Variants in SPATA4 observed in about 807,000 individuals in gnomAD.
SPATA4 encodes the protein spermatogenesis associated 4, also known as spermatogenesis-associated protein 4.
In SPATA4, 35 loss-of-function variants were observed where a neutral mutation model predicts 31.8. The ratio of observed to expected loss-of-function variants is 1.10; its 90% confidence interval spans 0.84 to 1.46. SPATA4 has a LOEUF of 1.46. Ranked by LOEUF, SPATA4 falls within the 40% of genes most tolerant of loss-of-function variation. The pLI is 0.00. For synonymous variants in SPATA4, 126 were observed against 132.4 expected (o/e 0.95, Z 0.33); for missense variants, 394 against 363.1 (o/e 1.09, Z -0.69).
chr4:176,192,543 C>T, intron 4 of SPATA4, 84 bp downstream of exon 4: 2 of 1,106,284 alleles, frequency 1.8e-6, no homozygotes, highest in African/African-American at 1.6e-5. Flanking sequence ...GCAAAATGGG[C>T]CAGTGCCGAC....
chr4:176,191,518 T>G (rs1042180783), intron 4 of SPATA4, among the ~76,000 whole-genome samples: 1 of 152,226 alleles, frequency 6.6e-6, no homozygotes, highest in Non-Finnish European at 1.5e-5. Flanking sequence ...AATGTTCTAT[T>G]TCTTAACCTG....
At chr4:176,187,534 G>A (rs574112141) in intron 5 of SPATA4, among the ~76,000 whole-genome samples, 1 of 151,516 alleles carries the variant, frequency 6.6e-6, no homozygotes, top group African/African-American at 2.4e-5. Context: ...AACCCAGGAG[G>A]TGGAAGTTGC....
chr4:176,193,138 A>T (rs1752560056), intron 2 of SPATA4, 62 bp from the exon 3 acceptor site: 1 of 1,081,908 alleles, frequency 9.2e-7, no homozygotes, highest in African/African-American at 1.6e-5. Context: ...TCCAAGTACT[A>T]TGAATTCACT....
chr4:176,191,636 TA>T (rs1240480101), intron 4 of SPATA4, among the ~76,000 whole-genome samples: 3 of 152,228 alleles, frequency 2.0e-5, no homozygotes, highest in Admixed American at 2.0e-4. Context: ...TTTTAATGTT[TA>T]AAAACATGCA....
rs73005170 is a variant in SPATA4 at position 176,184,683 on chromosome 4, T to G, written c.*97A>C. On this transcript the variant is annotated 3_prime_UTR_variant, in exon 6 of 6. Transcript: ENST00000280191. Reference sequence around the variant, plus strand: ...AATTATGGAAAAGACACCACTCTATTTATTATTGAAATACATCCAATACTA... The same window carrying G: ...AATTATGGAAAAGACACCACTCTATGTATTATTGAAATACATCCAATACTA... 2 of 587,092 alleles carry G rather than the reference T, an allele frequency of 3.4e-6. No individual in the cohort carries two copies. Among genetic ancestry groups the G allele is most frequent in the African/African-American group, 3.8e-5 (2 of 52,126 alleles). 36.4% of individuals were successfully genotyped at this position (587,092 alleles called of 1,614,324 possible). A position where few individuals can be genotyped will look rare whatever the true frequency, so the allele number is the denominator to read the frequency against.
intron 1 of SPATA4, 125 bp from the exon 2 acceptor site, chr4:176,193,707 C>G (rs890143602): frequency 1.9e-4 from 199 of 1,049,756 alleles, no homozygotes; most frequent in Non-Finnish European, 2.3e-4. Context: ...GTTGTTGGAT[C>G]GTTGCTCTAA....
chr4:176,190,977 T>A (rs1051159938), intron 4 of SPATA4, among the ~76,000 whole-genome samples: 2 of 151,902 alleles, frequency 1.3e-5, no homozygotes, highest in African/African-American at 4.8e-5. Context: ...TTCTGCCTAC[T>A]ACAGAGTTTC....
chr4:176,184,948 A>G, intron 5 of SPATA4, 56 bp from the exon 6 acceptor site: 1 of 1,014,236 alleles, frequency 9.9e-7, no homozygotes, highest in Non-Finnish European at 1.5e-6. Flanking sequence ...AAATATTCAT[A>G]CAAGCATCAA....
In SPATA4 at chr4:176,193,373, G is replaced by A. The variant is rs983851162; in HGVS notation, c.348+80C>T. 15 of 1,526,636 alleles carry A rather than the reference G, an allele frequency of 9.8e-6. No homozygotes were observed. In the Admixed American group the frequency reaches 1.3e-4, roughly 14 times the overall value. 94.6% of individuals were successfully genotyped at this position (1,526,636 alleles called of 1,614,324 possible). ...GTATCACACAGTCACACACATACAC[G>A]TAGAGATCCAGGAAATTAGCATGGC... On this transcript the variant is annotated intron_variant, in intron 2 of 5. Coordinates refer to ENST00000280191, the MANE Select transcript of SPATA4 (RefSeq NM_144644.4).
At chr4:176,193,114 CT>C in intron 2 of SPATA4, 38 bp from the exon 3 acceptor site, 1 of 1,317,820 alleles carries the variant, frequency 7.6e-7, no homozygotes, top group Non-Finnish European at 1.1e-6. Context: ...ATCATAAGAA[CT>C]TTTATAAAAA....
chr4:176,185,042 T>C (rs1057314989), intron 5 of SPATA4, 150 bp from the exon 6 acceptor site: 1 of 491,432 alleles, frequency 2.0e-6, no homozygotes, highest in African/African-American at 2.0e-5. Context: ...ACAAGAATAT[T>C]TAAATCACGC....
chr4:176,190,861 C>A (rs1031490488), intron 4 of SPATA4, among the ~76,000 whole-genome samples: 1 of 152,018 alleles, frequency 6.6e-6, no homozygotes, highest in South Asian at 2.1e-4. Context: ...AGCAAACACA[C>A]CCTATCTTGG....
intron 1 of SPATA4, 102 bp from the exon 2 acceptor site, chr4:176,193,684 TTGTAAAGTGAG>T: frequency 8.2e-7 from 1 of 1,216,684 alleles, no homozygotes; most frequent in Non-Finnish European, 1.1e-6. Context: ...TAAAAGTATC[TTGTAAAGTGAG>T]TGTTGTTGGA....
chr4:176,192,012 A>G (rs891148546), intron 4 of SPATA4, among the ~76,000 whole-genome samples: 1 of 152,222 alleles, frequency 6.6e-6, no homozygotes, highest in African/African-American at 2.4e-5. Context: ...ATTTCAATAC[A>G]TGAGTGGTAT....
chr4:176,185,020 A>C, intron 5 of SPATA4, 128 bp from the exon 6 acceptor site: 1 of 498,948 alleles, frequency 2.0e-6, no homozygotes. Flanking sequence ...AGTTAATCTA[A>C]ATGCCTGGTA....
intron 5 of SPATA4, among the ~76,000 whole-genome samples, chr4:176,187,802 G>A (rs544736930): frequency 1.3e-5 from 2 of 152,152 alleles, no homozygotes; most frequent in Admixed American, 1.3e-4. Context: ...TCTCAGGACT[G>A]ACTGACTCAT....
chr4:176,192,532 A>C, intron 4 of SPATA4, 95 bp downstream of exon 4: 1 of 964,960 alleles, frequency 1.0e-6, no homozygotes, highest in East Asian at 2.5e-5. Context: ...TACAGAAGAT[A>C]GCAAAATGGG....
At chr4:176,189,712 TGA>T (rs906533135) in intron 4 of SPATA4, among the ~76,000 whole-genome samples, 1 of 152,116 alleles carries the variant, frequency 6.6e-6, no homozygotes, top group African/African-American at 2.4e-5. Flanking sequence ...AACTGAAACA[TGA>T]GAGGGCATTA....
intron 1 of SPATA4, chr4:176,193,944 T>C (rs1237090787): frequency 1.2e-5 from 2 of 165,530 alleles, no homozygotes; most frequent in African/African-American, 4.8e-5. Flanking sequence ...GCAGTTTCAG[T>C]TACCTTGGGT....
Sources: allele counts gnomAD v4.1 joint callset (sites outside exome capture counted in the v4.1 genomes callset), GRCh38; gene constraint gnomAD v4.1.1; transcripts MANE v1.5; gene names NCBI Gene and HGNC (gene_info 2026-07-23, HGNC 2026-07-21).